Variants in PKP4 observed in about 807,000 individuals in gnomAD.
PKP4 encodes the protein plakophilin 4, also known as plakophilin-4.
PKP4 carries 90 observed loss-of-function variants against 145.1 expected under a neutral mutation model. The observed-to-expected ratio is 0.62, with a 90% CI of 0.52 to 0.74. The LOEUF (loss-of-function observed/expected upper bound fraction) is 0.74, where lower values mean the gene tolerates loss of function less well. Among genes scored for constraint, PKP4 ranks in the 30% least tolerant of loss-of-function variants. The pLI, the probability that PKP4 is intolerant of heterozygous loss-of-function variation, is 0.00. For missense variants in PKP4, 1,340 were observed against 1,482.7 expected, an observed-to-expected ratio of 0.90 and a Z score of 1.58; for synonymous variants, 563 against 577.2, an observed-to-expected ratio of 0.98 and a Z score of 0.35.
chr2:158,488,814 A>G (rs1047778818), intron 1 of PKP4, among the ~76,000 whole-genome samples: 1 of 152,240 alleles, frequency 6.6e-6, no homozygotes, highest in Non-Finnish European at 1.5e-5. Context: ...GTGTTCAGGA[A>G]AAAGAGCTTA....
chr2:158,618,896 T>C (rs1321135641), intron 4 of PKP4, among the ~76,000 whole-genome samples: 1 of 152,244 alleles, frequency 6.6e-6, no homozygotes, highest in Non-Finnish European at 1.5e-5. Context: ...GTGTCCTAGA[T>C]TTTACCTTAT....
At position 158,621,385 on chromosome 2, in the gene PKP4, G is replaced by A. The variant is rs1349809297; in HGVS notation, c.567G>A (p.Val189=). Residue 189 remains valine (V), a synonymous_variant, in exon 6 of 22, where the codon GTG becomes GTA. Coordinates refer to ENST00000389759, the MANE Select transcript of PKP4 (RefSeq NM_003628.6). ...TAGGATCAACTAACAACCATGTGGT[G>A]AGGAATTCAAGAGCTGAAGGACAAA... ...SFIGSTNNHV[V]RNSRAEGQTL... The A allele has an allele frequency of 1.2e-5, 20 of 1,614,040 alleles. No individual in the cohort carries two copies. Among genetic ancestry groups the A allele is most frequent in the Non-Finnish European group, 1.7e-5 (20 of 1,180,012 alleles).
At chr2:158,566,198 T>C (rs1313288252) in intron 2 of PKP4, among the ~76,000 whole-genome samples, 2 of 152,214 alleles carry the variant, frequency 1.3e-5, no homozygotes, top group African/African-American at 2.4e-5. Context: ...ATTTTTAAAA[T>C]AAGTCTCCTA....
intron 3 of PKP4, among the ~76,000 whole-genome samples, chr2:158,592,228 T>C (rs754044053): frequency 3.3e-5 from 5 of 152,014 alleles, no homozygotes; most frequent in Non-Finnish European, 7.4e-5. Flanking sequence ...TAAGGGGATA[T>C]GGGATGAATT....
chr2:158,531,801 T>C (rs939843654), intron 1 of PKP4, among the ~76,000 whole-genome samples: 1 of 152,190 alleles, frequency 6.6e-6, no homozygotes, highest in African/African-American at 2.4e-5. Flanking sequence ...AAAGTCTATC[T>C]AGGCCTTATG....
chr2:158,487,541 A>T (rs150120535), intron 1 of PKP4, among the ~76,000 whole-genome samples: 1 of 152,254 alleles, frequency 6.6e-6, no homozygotes, highest in Non-Finnish European at 1.5e-5. Flanking sequence ...TGTCATATGC[A>T]TAAAGTACCC....
intron 2 of PKP4, among the ~76,000 whole-genome samples, chr2:158,573,545 T>A (rs2047584990): frequency 6.6e-6 from 1 of 151,952 alleles, no homozygotes; most frequent in Non-Finnish European, 1.5e-5. Context: ...TGTACCTTGG[T>A]CAGATTCACA....
intron 1 of PKP4, among the ~76,000 whole-genome samples, chr2:158,511,942 C>G (rs934609468): frequency 4.6e-5 from 7 of 152,024 alleles, no homozygotes; most frequent in Admixed American, 2.6e-4. Flanking sequence ...AGTATTAAAG[C>G]CAGCAAGAAT....
chr2:158,642,393 C>G, intron 10 of PKP4, 93 bp from the exon 11 acceptor site: 1 of 928,258 alleles, frequency 1.1e-6, no homozygotes, highest in Non-Finnish European at 1.7e-6. Flanking sequence ...CTAGAGATAT[C>G]CACATCCTGT....
At chr2:158,660,448 G>A (rs1002709610) in intron 12 of PKP4, 2 of 152,824 alleles carry the variant, frequency 1.3e-5, no homozygotes, top group African/African-American at 4.8e-5. Flanking sequence ...AGCAAGGTGA[G>A]AGAGAAGCCA....
At chr2:158,562,068 T>C (rs2046578528) in intron 2 of PKP4, among the ~76,000 whole-genome samples, 1 of 152,086 alleles carries the variant, frequency 6.6e-6, no homozygotes, top group African/African-American at 2.4e-5. Context: ...GGCCTTTCAC[T>C]ATTGAATTTT....
At chr2:158,536,034 G>T (rs978406084) in intron 2 of PKP4, among the ~76,000 whole-genome samples, 21 of 152,062 alleles carry the variant, frequency 1.4e-4, no homozygotes, top group African/African-American at 4.8e-4. Context: ...ACTTAGTAAG[G>T]GCTAACATTA....
chr2:158,470,636 C>T (rs1478424970), intron 1 of PKP4, among the ~76,000 whole-genome samples: 1 of 152,176 alleles, frequency 6.6e-6, no homozygotes, highest in African/African-American at 2.4e-5. Flanking sequence ...AAAGGCATCT[C>T]CAAGGTTGGA....
At chr2:158,533,158 C>T in intron 1 of PKP4, 22 bp from the exon 2 acceptor site, 1 of 1,598,054 alleles carries the variant, frequency 6.3e-7, no homozygotes, top group Non-Finnish European at 8.5e-7. Flanking sequence ...AAAGTGTTAA[C>T]CCTTTGCCTG....
intron 1 of PKP4, among the ~76,000 whole-genome samples, chr2:158,478,477 A>G (rs977585663): frequency 6.6e-6 from 1 of 152,204 alleles, no homozygotes. Flanking sequence ...TAATCAAGAT[A>G]AATGGAATCA....
At chr2:158,551,176 T>C (rs932232042) in intron 2 of PKP4, among the ~76,000 whole-genome samples, 1 of 152,206 alleles carries the variant, frequency 6.6e-6, no homozygotes, top group Non-Finnish European at 1.5e-5. Flanking sequence ...CCTGTGGTCT[T>C]TGGGTCAACT....
chr2:158,470,921 A>G (rs1249194622), intron 1 of PKP4, among the ~76,000 whole-genome samples: 1 of 151,876 alleles, frequency 6.6e-6, no homozygotes, highest in Admixed American at 6.6e-5. Context: ...AAGGCAGAAA[A>G]CCCCAGTCTT....
rs1200844551 is a variant in PKP4 at position 158,680,734 on chromosome 2, A to T, written c.*57A>T. 5 of 1,430,022 alleles carry T rather than the reference A, an allele frequency of 3.5e-6. No individual in the cohort carries two copies. The highest frequency in any genetic ancestry group is 2.8e-5 in the South Asian group (2 of 71,436). 88.6% of individuals were successfully genotyped at this position (1,430,022 alleles called of 1,614,324 possible). Reference sequence around the variant, plus strand: ...TTCTAACCTTGTTCAGATTGAGGTGAAAAGTCCATCTTGCTGATTTGATGA... The same window carrying T: ...TTCTAACCTTGTTCAGATTGAGGTGTAAAGTCCATCTTGCTGATTTGATGA... On this transcript the variant is annotated 3_prime_UTR_variant, in exon 22 of 22. Transcript: ENST00000389759.
chr2:158,472,426 G>A (rs975618065), intron 1 of PKP4, among the ~76,000 whole-genome samples: 7 of 151,788 alleles, frequency 4.6e-5, no homozygotes, highest in African/African-American at 9.7e-5. Flanking sequence ...TGGCTAACAC[G>A]GTGAAACCCT....
Sources: allele counts gnomAD v4.1 joint callset (sites outside exome capture counted in the v4.1 genomes callset), GRCh38; gene constraint gnomAD v4.1.1; transcripts MANE v1.5; gene names NCBI Gene and HGNC (gene_info 2026-07-23, HGNC 2026-07-21).